ADAM12: variants seen among roughly 807,000 people sequenced by gnomAD.
ADAM12 encodes the protein disintegrin and metalloproteinase domain-containing protein 12.
Under a neutral mutation model 106.4 loss-of-function variants are expected in ADAM12, and 70 were observed. The observed-to-expected ratio is 0.66, with a 90% CI of 0.54 to 0.80. The LOEUF (loss-of-function observed/expected upper bound fraction) is 0.80. Ranked by LOEUF, ADAM12 falls within the 30% of genes least tolerant of loss-of-function variation. The pLI, the probability that ADAM12 is intolerant of heterozygous loss-of-function variation, is 0.00. For missense variants in ADAM12, 1,010 were observed against 1,171.9 expected, an observed-to-expected ratio of 0.86 and a Z score of 2.02; for synonymous variants, 420 against 433.5, an observed-to-expected ratio of 0.97 and a Z score of 0.39.
At chr10:126,111,652 G>A (rs1955870677) in intron 6 of ADAM12, among the ~76,000 whole-genome samples, 1 of 152,176 alleles carries the variant, frequency 6.6e-6, no homozygotes, top group Non-Finnish European at 1.5e-5. Context: ...TCCCCATTTA[G>A]AAAATACACA....
chr10:126,163,682 C>T lies in ADAM12; in HGVS notation c.261-8377G>A, dbSNP rs184217542. Among the ~76,000 whole-genome samples, 77 of 152,286 alleles carry T rather than the reference C, an allele frequency of 5.1e-4. 1 individual carries two copies. Among genetic ancestry groups the T allele is most frequent in the Non-Finnish European group, 8.8e-4 (60 of 68,022 alleles). On this transcript the variant is annotated intron_variant, in intron 3 of 22. Coordinates refer to ENST00000448723, the MANE Select transcript of ADAM12 (RefSeq NM_001288973.2). ...GGAGAGCTGAAAGAAACCCCCCGGCCCCAGAAGTGAATCAGCCTTTCTCTT... is the reference window on the plus strand; with the variant it reads ...GGAGAGCTGAAAGAAACCCCCCGGCTCCAGAAGTGAATCAGCCTTTCTCTT...
chr10:126,251,707 G>A (rs1182068089), intron 3 of ADAM12, among the ~76,000 whole-genome samples: 1 of 151,726 alleles, frequency 6.6e-6, no homozygotes, highest in East Asian at 2.0e-4. Flanking sequence ...TGGATGGATA[G>A]GATGGATGGA....
intron 2 of ADAM12, among the ~76,000 whole-genome samples, chr10:126,323,369 A>G (rs188210715): frequency 2.0e-5 from 3 of 152,304 alleles, no homozygotes; most frequent in Non-Finnish European, 2.9e-5. Flanking sequence ...ACAGAGCTAC[A>G]CTTGGGGCGG....
At chr10:126,079,634 A>G (rs565413349) in intron 11 of ADAM12, among the ~76,000 whole-genome samples, 41 of 152,314 alleles carry the variant, frequency 2.7e-4, no homozygotes, top group Non-Finnish European at 5.1e-4. Flanking sequence ...ACTTCCCTAG[A>G]TTTAAAATTC....
At chr10:126,109,951 C>T (rs1390757134) in intron 6 of ADAM12, 111 bp from the exon 7 acceptor site, 9 of 963,442 alleles carry the variant, frequency 9.3e-6, no homozygotes, top group African/African-American at 4.9e-5. Flanking sequence ...CCCCCATCCC[C>T]GCCAGGCCCC....
intron 3 of ADAM12, among the ~76,000 whole-genome samples, chr10:126,265,194 A>G (rs1224706754): frequency 6.6e-6 from 1 of 152,194 alleles, no homozygotes; most frequent in East Asian, 1.9e-4. Flanking sequence ...TTTGGGGAAT[A>G]CAGTGGCTAC....
chr10:126,193,763 G>A (rs1347273733), intron 3 of ADAM12, among the ~76,000 whole-genome samples: 2 of 152,152 alleles, frequency 1.3e-5, no homozygotes, highest in African/African-American at 4.8e-5. Flanking sequence ...TGCATGTGGT[G>A]GCGTGCGCCT....
intron 6 of ADAM12, among the ~76,000 whole-genome samples, chr10:126,110,584 C>T (rs770696472): frequency 2.6e-5 from 4 of 152,046 alleles, no homozygotes; most frequent in African/African-American, 9.7e-5. Context: ...AAGAGTGAGA[C>T]AGTTGAGAGA....
At chr10:126,188,897 T>C (rs979096955) in intron 3 of ADAM12, among the ~76,000 whole-genome samples, 6 of 152,274 alleles carry the variant, frequency 3.9e-5, no homozygotes, top group African/African-American at 1.4e-4. Flanking sequence ...TTCATTCATC[T>C]ATCTGTCCAT....
intron 2 of ADAM12, among the ~76,000 whole-genome samples, chr10:126,326,201 A>C (rs1564734855): frequency 1.4e-5 from 2 of 142,906 alleles, no homozygotes; most frequent in African/African-American, 5.3e-5. Flanking sequence ...ATCACCGGGG[A>C]GTATTTTTTT....
chr10:126,375,997 C>G (rs1282507609), intron 1 of ADAM12, among the ~76,000 whole-genome samples: 1 of 151,796 alleles, frequency 6.6e-6, no homozygotes, highest in Non-Finnish European at 1.5e-5. Flanking sequence ...CTCCCCACCC[C>G]CCAGCCTCTC....
chr10:126,017,181 A>G lies in ADAM12; in HGVS notation c.*98T>C. On this transcript the variant is annotated 3_prime_UTR_variant, in exon 23 of 23. Transcript: ENST00000448723. ...TTCTTATAGTAATGATGTTTTAAAC[A>G]TTAAAAAAAATCCTAAAAGTTGGTA... 1.8e-6 allele frequency: 2 copies of G among 1,140,652 alleles called. No homozygotes were observed. Among genetic ancestry groups the G allele is most frequent in the South Asian group, 2.9e-5 (2 of 68,802 alleles). The allele number at this position is 1,140,652 out of a possible 1,614,324, so 70.7% of individuals were successfully genotyped here. A position where few individuals can be genotyped will look rare whatever the true frequency, so the allele number is the denominator to read the frequency against.
chr10:126,106,884 G>C lies in ADAM12; in HGVS notation c.741+1709C>G, dbSNP rs535944329. On this transcript the variant is annotated intron_variant, in intron 8 of 22. Coordinates refer to ENST00000448723, the MANE Select transcript of ADAM12 (RefSeq NM_001288973.2). ...TGCAGGAATATTTTTCTACTATCAT[G>C]TGTGTCTCTCCCCTGCTTAAAAACA... Among the ~76,000 whole-genome samples the C allele has an allele frequency of 4.0e-3, 608 of 152,218 alleles. 13 individuals are homozygous for C. In the East Asian group the frequency reaches 0.055, roughly 14 times the overall value.
At chr10:126,209,142 C>G (rs967553876) in intron 3 of ADAM12, among the ~76,000 whole-genome samples, 3 of 152,180 alleles carry the variant, frequency 2.0e-5, no homozygotes, top group African/African-American at 7.2e-5. Flanking sequence ...AAGCCAAAAT[C>G]CTATCAACAT....
At chr10:126,299,210 C>T (rs182405790) in intron 2 of ADAM12, among the ~76,000 whole-genome samples, 4 of 152,192 alleles carry the variant, frequency 2.6e-5, no homozygotes, top group Admixed American at 6.5e-5. Context: ...ACTTTCAATG[C>T]CTTCATTTCC....
At chr10:126,370,634 G>A (rs961277221) in intron 1 of ADAM12, among the ~76,000 whole-genome samples, 2 of 152,160 alleles carry the variant, frequency 1.3e-5, no homozygotes, top group African/African-American at 4.8e-5. Flanking sequence ...CTCAAGTATT[G>A]TTCTATCTCA....
chr10:126,156,027 A>G (rs1956808992), intron 3 of ADAM12, among the ~76,000 whole-genome samples: 1 of 152,184 alleles, frequency 6.6e-6, no homozygotes, highest in Admixed American at 6.5e-5. Context: ...TAGATTTTAA[A>G]TTATTTTCCA....
At chr10:126,304,787 C>T (rs780239841) in intron 2 of ADAM12, among the ~76,000 whole-genome samples, 3 of 151,216 alleles carry the variant, frequency 2.0e-5, no homozygotes, top group Non-Finnish European at 4.4e-5. Context: ...AAAATCTGAA[C>T]GTTTACAAAA....
At chr10:126,036,810 C>T (rs1954068372) in intron 20 of ADAM12, among the ~76,000 whole-genome samples, 1 of 152,168 alleles carries the variant, frequency 6.6e-6, no homozygotes, top group African/African-American at 2.4e-5. Flanking sequence ...TATGGTAACC[C>T]TTGTTCTTAG....
Sources: gnomAD v4.1 joint callset for allele counts (sites outside exome capture counted in the v4.1 genomes callset) on GRCh38, gnomAD v4.1.1 for gene constraint, MANE v1.5 for transcripts, NCBI Gene and HGNC (gene_info 2026-07-23, HGNC 2026-07-21) for gene names.